Variants in ZBTB7C observed in about 807,000 individuals in gnomAD.
The protein encoded by ZBTB7C is zinc finger and BTB domain-containing protein 7C.
In ZBTB7C, 8 loss-of-function variants were observed where a neutral mutation model predicts 25.7. That is an observed-to-expected ratio of 0.31 (90% CI 0.18 to 0.56). The LOEUF (loss-of-function observed/expected upper bound fraction) is 0.56. Ranked by LOEUF, ZBTB7C falls within the 20% of genes least tolerant of loss-of-function variation. The probability of loss-of-function intolerance (pLI) is 0.91; values close to 1 mark genes in which losing one functional copy is unlikely to be tolerated. For synonymous variants in ZBTB7C, 394 were observed against 369.0 expected, an observed-to-expected ratio of 1.07 and a Z score of -0.78; for missense variants, 824 against 855.2, an observed-to-expected ratio of 0.96 and a Z score of 0.46.
intron 2 of ZBTB7C, among the ~76,000 whole-genome samples, chr18:48,271,830 G>A (rs1289286961): frequency 6.6e-6 from 1 of 151,986 alleles, no homozygotes; most frequent in African/African-American, 2.4e-5. Context: ...ATTTGATGAA[G>A]ATATTTATTA....
At chr18:48,398,654 G>A (rs2048085266) in intron 1 of ZBTB7C, among the ~76,000 whole-genome samples, 1 of 152,036 alleles carries the variant, frequency 6.6e-6, no homozygotes, top group African/African-American at 2.4e-5. Context: ...CAAAGTCACT[G>A]GCTTATCTCA....
chr18:48,200,776 T>C (rs1463994721), intron 2 of ZBTB7C, among the ~76,000 whole-genome samples: 2 of 152,160 alleles, frequency 1.3e-5, no homozygotes, highest in Non-Finnish European at 2.9e-5. Flanking sequence ...GCATCTAAAC[T>C]CAGGCCCTGA....
intron 2 of ZBTB7C, among the ~76,000 whole-genome samples, chr18:48,236,390 T>C (rs2043378902): frequency 1.3e-5 from 2 of 152,198 alleles, no homozygotes; most frequent in African/African-American, 2.4e-5. Flanking sequence ...ATGAGAAGTG[T>C]TTGATAAGTC....
chr18:48,226,460 G>A (rs1034351113), intron 2 of ZBTB7C, among the ~76,000 whole-genome samples: 2 of 152,174 alleles, frequency 1.3e-5, no homozygotes, highest in African/African-American at 4.8e-5. Context: ...TTTAAACAAT[G>A]GTAGGGCTGG....
chr18:48,278,521 C>T (rs560565202), intron 2 of ZBTB7C, among the ~76,000 whole-genome samples: 15 of 152,060 alleles, frequency 9.9e-5, no homozygotes, highest in African/African-American at 1.2e-4. Flanking sequence ...CTGCAACCTC[C>T]GCCTCCTGGG....
At chr18:48,215,734 C>T (rs2042808313) in intron 2 of ZBTB7C, among the ~76,000 whole-genome samples, 1 of 152,160 alleles carries the variant, frequency 6.6e-6, no homozygotes, top group South Asian at 2.1e-4. Context: ...CTCTCAGCTA[C>T]TCTCTTCAGG....
chr18:48,234,335 T>C (rs1183111092), intron 2 of ZBTB7C, among the ~76,000 whole-genome samples: 1 of 152,132 alleles, frequency 6.6e-6, no homozygotes, highest in Non-Finnish European at 1.5e-5. Flanking sequence ...ATAATTTTAA[T>C]AAAAAATAAG....
intron 2 of ZBTB7C, among the ~76,000 whole-genome samples, chr18:48,205,332 A>G (rs1395541068): frequency 2.0e-5 from 3 of 152,096 alleles, no homozygotes; most frequent in African/African-American, 7.2e-5. Flanking sequence ...AACTTACAAT[A>G]GCATTAACAA....
intron 3 of ZBTB7C, among the ~76,000 whole-genome samples, chr18:48,184,204 A>C (rs1489900473): frequency 6.6e-6 from 1 of 152,220 alleles, no homozygotes; most frequent in African/African-American, 2.4e-5. Context: ...AGCAACAGCA[A>C]AACATGGACA....
intron 3 of ZBTB7C, among the ~76,000 whole-genome samples, chr18:48,110,916 C>G (rs992469371): frequency 6.6e-6 from 1 of 152,164 alleles, no homozygotes; most frequent in African/African-American, 2.4e-5. Flanking sequence ...AGAAATCAGG[C>G]TTATTCCTTT....
chr18:48,398,251 C>T (rs1366336455), intron 1 of ZBTB7C, among the ~76,000 whole-genome samples: 2 of 152,232 alleles, frequency 1.3e-5, no homozygotes, highest in South Asian at 2.1e-4. Context: ...GATGACAGCC[C>T]CCTCTGTCCA....
intron 2 of ZBTB7C, among the ~76,000 whole-genome samples, chr18:48,191,663 C>A (rs547844257): frequency 6.6e-5 from 10 of 152,182 alleles, no homozygotes; most frequent in Admixed American, 6.5e-4. Flanking sequence ...GGGAGCCCAG[C>A]GCTTGGTGAG....
chr18:48,126,704 G>A (rs142001079), intron 3 of ZBTB7C, among the ~76,000 whole-genome samples: 17 of 152,268 alleles, frequency 1.1e-4, no homozygotes, highest in Middle Eastern at 3.4e-3. Flanking sequence ...TGGGAGAAAG[G>A]GGGGAGGACC....
chr18:48,261,820 G>A (rs1421969201), intron 2 of ZBTB7C, among the ~76,000 whole-genome samples: 4 of 152,246 alleles, frequency 2.6e-5, no homozygotes, highest in Admixed American at 6.5e-5. Flanking sequence ...GCATTTTGGG[G>A]ATGTGAGCAC....
chr18:48,233,738 T>C (rs1036726777), intron 2 of ZBTB7C, among the ~76,000 whole-genome samples: 7 of 152,234 alleles, frequency 4.6e-5, no homozygotes, highest in Non-Finnish European at 8.8e-5. Flanking sequence ...GTTTCTGGGA[T>C]AGGTCCCATA....
At chr18:48,367,202 T>TATATATATATATATATACACACACAC (rs1302394192) in intron 1 of ZBTB7C, among the ~76,000 whole-genome samples, 4 of 63,406 alleles carry the variant, frequency 6.3e-5, no homozygotes, top group South Asian at 5.4e-4. Flanking sequence ...TATATATATA[T>TATATATATATATATATACACACACAC]ACACACACAC....
intron 3 of ZBTB7C, among the ~76,000 whole-genome samples, chr18:48,122,850 C>T (rs1184691924): frequency 6.6e-6 from 1 of 152,192 alleles, no homozygotes; most frequent in East Asian, 1.9e-4. Flanking sequence ...AATGAATGAG[C>T]AGATGAGTGA....
At chr18:48,164,481 C>T (rs1239282288) in intron 3 of ZBTB7C, among the ~76,000 whole-genome samples, 2 of 152,192 alleles carry the variant, frequency 1.3e-5, no homozygotes. Flanking sequence ...CATATGTATA[C>T]ACAAACATAC....
chr18:48,398,161 G>T (rs904508021), intron 1 of ZBTB7C, among the ~76,000 whole-genome samples: 1 of 152,212 alleles, frequency 6.6e-6, no homozygotes, highest in Non-Finnish European at 1.5e-5. Flanking sequence ...CTCAGAAGGG[G>T]AACATCAAGC....
Sources: allele counts gnomAD v4.1 joint callset (sites outside exome capture counted in the v4.1 genomes callset), GRCh38; gene constraint gnomAD v4.1.1; transcripts MANE v1.5; gene names NCBI Gene and HGNC (gene_info 2026-07-23, HGNC 2026-07-21).